MACROD2: variants seen among roughly 807,000 people sequenced by gnomAD.
The protein encoded by MACROD2 is ADP-ribose glycohydrolase MACROD2.
In MACROD2, 36 loss-of-function variants were observed where a neutral mutation model predicts 70.4. The observed-to-expected ratio is 0.51, with a 90% confidence interval of 0.39 to 0.68. MACROD2 has a LOEUF of 0.68. Ranked by LOEUF, MACROD2 falls within the 30% of genes least tolerant of loss-of-function variation. The probability of loss-of-function intolerance (pLI) is 0.00; values close to 1 mark genes in which losing one functional copy is unlikely to be tolerated. For synonymous variants in MACROD2, 172 were observed against 178.8 expected, an observed-to-expected ratio of 0.96 and a Z score of 0.30; for missense variants, 496 against 538.4, an observed-to-expected ratio of 0.92 and a Z score of 0.78.
At chr20:15,625,903 C>CAAAAAAAA (rs11290779) in intron 8 of MACROD2, among the ~76,000 whole-genome samples, 9 of 75,640 alleles carry the variant, frequency 1.2e-4, no homozygotes, top group Non-Finnish European at 2.0e-4. Flanking sequence ...TCCTTGGCCA[C>CAAAAAAAA]AAAAAAAAAA....
intron 12 of MACROD2, among the ~76,000 whole-genome samples, chr20:15,960,810 G>A (rs540065024): frequency 6.6e-6 from 1 of 152,184 alleles, no homozygotes; most frequent in African/African-American, 2.4e-5. Flanking sequence ...TGGCACCATC[G>A]GCTCCAACCT....
chr20:14,729,730 A>C (rs1170554462), intron 5 of MACROD2, among the ~76,000 whole-genome samples: 5 of 152,174 alleles, frequency 3.3e-5, no homozygotes, highest in Admixed American at 6.6e-5. Flanking sequence ...ACACACTCTC[A>C]ATACAAATCA....
At chr20:15,987,823 G>T (rs1221895378) in intron 15 of MACROD2, among the ~76,000 whole-genome samples, 1 of 152,096 alleles carries the variant, frequency 6.6e-6, no homozygotes, top group Non-Finnish European at 1.5e-5. Context: ...GTTAACTGAA[G>T]AACTTAAAGA....
At chr20:15,645,527 A>C (rs1199868483) in intron 8 of MACROD2, among the ~76,000 whole-genome samples, 1 of 152,202 alleles carries the variant, frequency 6.6e-6, no homozygotes. Flanking sequence ...CTCATCTTGC[A>C]TGTGAGCACT....
chr20:15,335,376 T>C (rs2078037113), intron 6 of MACROD2, among the ~76,000 whole-genome samples: 1 of 151,746 alleles, frequency 6.6e-6, no homozygotes, highest in Non-Finnish European at 1.5e-5. Context: ...TTTCCATCTA[T>C]TATATGTAAT....
At chr20:15,009,104 A>G (rs767743385) in intron 5 of MACROD2, among the ~76,000 whole-genome samples, 13 of 152,268 alleles carry the variant, frequency 8.5e-5, no homozygotes, top group Middle Eastern at 3.4e-3. Context: ...TGGTTGCACA[A>G]CTTCAGACAA....
intron 5 of MACROD2, among the ~76,000 whole-genome samples, chr20:14,692,739 T>C (rs2071078482): frequency 6.6e-6 from 1 of 152,176 alleles, no homozygotes; most frequent in African/African-American, 2.4e-5. Flanking sequence ...TACTGCCTGC[T>C]CAAAGGCTAG....
chr20:15,226,806 A>T (rs2076910438), intron 5 of MACROD2, among the ~76,000 whole-genome samples: 1 of 152,064 alleles, frequency 6.6e-6, no homozygotes, highest in Non-Finnish European at 1.5e-5. Context: ...TCTAAGCAGG[A>T]GATTTATTTT....
At chr20:14,923,478 C>T (rs971137) in intron 5 of MACROD2, among the ~76,000 whole-genome samples, 6,432 of 152,132 alleles carry the variant, frequency 0.042, 181 homozygotes, top group Non-Finnish European at 0.063. Context: ...ACATGCACAC[C>T]TTCTGTAGTT....
At chr20:15,046,294 T>C (rs980397829) in intron 5 of MACROD2, among the ~76,000 whole-genome samples, 1 of 152,180 alleles carries the variant, frequency 6.6e-6, no homozygotes, top group African/African-American at 2.4e-5. Context: ...CATGATGACT[T>C]CTAAAGCTAT....
Position 14,946,176 on chromosome 20 carries a change from G to A in MACROD2, c.418+261217G>A, listed in dbSNP as rs562961477. 1.7e-3 allele frequency among the ~76,000 whole-genome samples: 259 copies of A among 150,964 alleles called. 1 individual carries two copies. The highest frequency in any genetic ancestry group is 6.1e-3 in the African/African-American group (248 of 40,738). ...ATTGTGCCATTGCACTCCAGCCTGG[G>A]TGACAAGAACAAAACTCTGTCTCAA... On this transcript the variant is annotated intron_variant, in intron 5 of 17. Transcript: ENST00000684519.
At chr20:15,459,740 G>C (rs2046782499) in intron 7 of MACROD2, among the ~76,000 whole-genome samples, 1 of 152,070 alleles carries the variant, frequency 6.6e-6, no homozygotes, top group Admixed American at 6.6e-5. Flanking sequence ...GGAACAGTAA[G>C]AACTCAGATT....
intron 3 of MACROD2, among the ~76,000 whole-genome samples, chr20:14,129,948 TTG>T (rs1199251352): frequency 1.3e-5 from 2 of 152,180 alleles, no homozygotes; most frequent in Admixed American, 1.3e-4. Flanking sequence ...ACCAAAAAAT[TTG>T]TGTGACTCGC....
chr20:15,669,569 T>C, intron 8 of MACROD2, among the ~76,000 whole-genome samples: 1 of 152,184 alleles, frequency 6.6e-6, no homozygotes, highest in Non-Finnish European at 1.5e-5. Flanking sequence ...AGTAAAAATA[T>C]GAAAGCCTCC....
intron 8 of MACROD2, among the ~76,000 whole-genome samples, chr20:15,804,751 GCTGGCTTCCAACTGCAAATAC>G (rs1232214255): frequency 6.6e-6 from 1 of 152,132 alleles, no homozygotes; most frequent in Non-Finnish European, 1.5e-5. Context: ...AAGCCAGTCT[GCTGGCTTCCAACTGCAAATAC>G]CTGTGACTCT....
chr20:14,252,264 T>C (rs1216400920), intron 3 of MACROD2, among the ~76,000 whole-genome samples: 1 of 152,054 alleles, frequency 6.6e-6, no homozygotes, highest in East Asian at 1.9e-4. Flanking sequence ...GAGTGGGTGA[T>C]GTGAGCCTAT....
At chr20:14,520,492 A>ATT (rs11379255) in intron 4 of MACROD2, among the ~76,000 whole-genome samples, 8 of 144,896 alleles carry the variant, frequency 5.5e-5, no homozygotes, top group Non-Finnish European at 9.1e-5. Flanking sequence ...TTTTGTTATT[A>ATT]TTTTTTTTTT....
intron 3 of MACROD2, among the ~76,000 whole-genome samples, chr20:14,360,740 T>C (rs368717639): frequency 5.3e-5 from 8 of 152,240 alleles, no homozygotes; most frequent in African/African-American, 1.9e-4. Flanking sequence ...TAGAAAAGCA[T>C]TTCAGGAATG....
intron 10 of MACROD2, among the ~76,000 whole-genome samples, chr20:15,895,230 C>T (rs1410328344): frequency 6.6e-6 from 1 of 152,208 alleles, no homozygotes; most frequent in African/African-American, 2.4e-5. Context: ...GAACATCATT[C>T]CCGAATCCTA....
Sources: allele counts gnomAD v4.1 joint callset (sites outside exome capture counted in the v4.1 genomes callset), GRCh38; gene constraint gnomAD v4.1.1; transcripts MANE v1.5; gene names NCBI Gene and HGNC (gene_info 2026-07-23, HGNC 2026-07-21).